TTC17: variants seen among roughly 807,000 people sequenced by gnomAD.
TTC17 encodes tetratricopeptide repeat protein 17.
TTC17 carries 58 observed loss-of-function variants against 143.8 expected under a neutral mutation model. That is an observed-to-expected ratio of 0.40 (90% CI 0.33 to 0.50). The LOEUF (loss-of-function observed/expected upper bound fraction) is 0.50. Among genes scored for constraint, TTC17 ranks in the 20% least tolerant of loss-of-function variants. The pLI, the probability that TTC17 is intolerant of heterozygous loss-of-function variation, is 0.49. For missense variants in TTC17, 1,273 were observed against 1,392.5 expected, an observed-to-expected ratio of 0.91 and a Z score of 1.37; for synonymous variants, 501 against 497.8, an observed-to-expected ratio of 1.01 and a Z score of -0.09.
chr11:43,473,998 TAAC>T (rs1948139588), intron 21 of TTC17, among the ~76,000 whole-genome samples: 1 of 152,224 alleles, frequency 6.6e-6, no homozygotes, highest in South Asian at 2.1e-4. Flanking sequence ...CTACTTTTAG[TAAC>T]TATTCCCAAA....
intron 9 of TTC17, 140 bp from the exon 10 acceptor site, chr11:43,401,306 T>C: frequency 1.9e-6 from 1 of 534,576 alleles, no homozygotes; most frequent in Non-Finnish European, 3.3e-6. Flanking sequence ...TGAATATTTC[T>C]CTATATAAGT....
intron 16 of TTC17, chr11:43,436,207 GA>G (rs1375676664): frequency 6.8e-7 from 1 of 1,469,766 alleles, no homozygotes; most frequent in Non-Finnish European, 9.0e-7. Context: ...ATGACAAACA[GA>G]AATATTTTGA....
chr11:43,386,813 G>A (rs372938844), intron 2 of TTC17, among the ~76,000 whole-genome samples: 61 of 152,118 alleles, frequency 4.0e-4, no homozygotes, highest in African/African-American at 1.4e-3. Flanking sequence ...TTGTGAGACA[G>A]GGTCTCACTC....
At chr11:43,442,269 G>C (rs1947440612) in intron 16 of TTC17, among the ~76,000 whole-genome samples, 1 of 152,196 alleles carries the variant, frequency 6.6e-6, no homozygotes, top group African/African-American at 2.4e-5. Context: ...ATTATGTGGT[G>C]CATGGCTATA....
At chr11:43,388,729 T>A (rs1432130813) in intron 2 of TTC17, among the ~76,000 whole-genome samples, 1 of 151,496 alleles carries the variant, frequency 6.6e-6, no homozygotes, top group African/African-American at 2.4e-5. Flanking sequence ...ATCCCAGTAC[T>A]CTGTGAGGCC....
chr11:43,382,036 T>TTA, intron 2 of TTC17, among the ~76,000 whole-genome samples: 2 of 152,340 alleles, frequency 1.3e-5, no homozygotes, highest in Middle Eastern at 6.8e-3. Context: ...TAGAAATTTG[T>TTA]TAGTCATTGA....
At chr11:43,485,343 A>G (rs956800318) in intron 21 of TTC17, among the ~76,000 whole-genome samples, 15 of 152,228 alleles carry the variant, frequency 9.9e-5, no homozygotes, top group Non-Finnish European at 1.5e-5. Flanking sequence ...ATCTTACACA[A>G]AAATTCAATT....
Position 43,488,726 on chromosome 11 carries a change from ACT to A in TTC17, c.3031-1510_3031-1509del, listed in dbSNP as rs371844930. On this transcript the variant is annotated intron_variant, in intron 21 of 23. Coordinates refer to ENST00000039989, the MANE Select transcript of TTC17 (RefSeq NM_018259.6). Reference sequence around the variant, plus strand: ...TTTGCTTTTTAAGAGACAGGGTCTCACTCTGTCTCCTGCAGGCTGAAGTGCAC... The same window carrying A: ...TTTGCTTTTTAAGAGACAGGGTCTCACTGTCTCCTGCAGGCTGAAGTGCAC... 5.6e-4 allele frequency among the ~76,000 whole-genome samples: 86 copies of A among 152,272 alleles called. No homozygotes were observed. In the East Asian group the frequency reaches 0.016, roughly 28 times the overall value.
At chr11:43,464,928 A>T (rs1328016273) in intron 21 of TTC17, among the ~76,000 whole-genome samples, 1 of 152,244 alleles carries the variant, frequency 6.6e-6, no homozygotes, top group African/African-American at 2.4e-5. Context: ...TTCTGAAGCT[A>T]CAAAGCACAA....
intron 16 of TTC17, among the ~76,000 whole-genome samples, chr11:43,424,668 G>A (rs1284089254): frequency 6.6e-6 from 1 of 152,096 alleles, no homozygotes; most frequent in Non-Finnish European, 1.5e-5. Context: ...TACTGGGAAG[G>A]CTGAGGCAGG....
intron 16 of TTC17, among the ~76,000 whole-genome samples, chr11:43,433,875 C>T (rs1947217357): frequency 6.6e-6 from 1 of 152,154 alleles, no homozygotes; most frequent in South Asian, 2.1e-4. Flanking sequence ...TATTTCCTCT[C>T]TGCTTTTAAT....
In TTC17 at chr11:43,391,645, T is replaced by A. The variant is rs577291089; in HGVS notation, c.531+69T>A. On this transcript the variant is annotated intron_variant, in intron 4 of 23. Transcript: ENST00000039989. ...CTTCTTTCAGTTGGTCTCTCACTTA[T>A]AAAGACCATTTCTCTTTCTTCTCTC... 3.9e-5 allele frequency: 49 copies of A among 1,260,200 alleles called. No individual in the cohort carries two copies. The African/African-American group carries it at 6.6e-4, about 17-fold the overall frequency. The allele number at this position is 1,260,200 out of a possible 1,614,324, so 78.1% of individuals were successfully genotyped here.
intron 1 of TTC17, among the ~76,000 whole-genome samples, chr11:43,363,394 G>A (rs1465326216): frequency 1.3e-5 from 2 of 152,136 alleles, no homozygotes; most frequent in African/African-American, 4.8e-5. Flanking sequence ...TATGTTCCAT[G>A]CTCTAGGTAG....
At chr11:43,383,072 T>A (rs1857033965) in intron 2 of TTC17, among the ~76,000 whole-genome samples, 1 of 151,980 alleles carries the variant, frequency 6.6e-6, no homozygotes, top group Non-Finnish European at 1.5e-5. Flanking sequence ...ATTTTTTTTA[T>A]TTTTTGTAGA....
In TTC17 at chr11:43,391,784, C is replaced by T. The variant is rs778309004; in HGVS notation, c.532-37C>T. ...TGAATTATTTGTCATCTTTTATATCCTTTGATATGTCTTTTGAATCTTTTT... is the reference window on the plus strand; with the variant it reads ...TGAATTATTTGTCATCTTTTATATCTTTTGATATGTCTTTTGAATCTTTTT... On this transcript the variant is annotated intron_variant, in intron 4 of 23. Transcript: ENST00000039989. 1.9e-6 allele frequency: 3 copies of T among 1,602,346 alleles called. No homozygotes were observed. The Admixed American group carries it at 5.3e-5, about 28-fold the overall frequency.
intron 1 of TTC17, among the ~76,000 whole-genome samples, chr11:43,360,372 T>C (rs1324798259): frequency 2.6e-5 from 4 of 152,214 alleles, no homozygotes; most frequent in Non-Finnish European, 5.9e-5. Flanking sequence ...TTTAAATATA[T>C]GTGTATGTGT....
chr11:43,395,757 A>G (rs1468489514), intron 5 of TTC17, among the ~76,000 whole-genome samples: 1 of 152,240 alleles, frequency 6.6e-6, no homozygotes, highest in Non-Finnish European at 1.5e-5. Context: ...TTTTAACTAC[A>G]TTAAAATAAC....
At chr11:43,468,832 G>A (rs1403209991) in intron 21 of TTC17, among the ~76,000 whole-genome samples, 2 of 152,112 alleles carry the variant, frequency 1.3e-5, no homozygotes, top group Non-Finnish European at 2.9e-5. Context: ...GGCTGAGTTG[G>A]GAGGATTGCT....
intron 1 of TTC17, among the ~76,000 whole-genome samples, chr11:43,365,055 C>G (rs910536704): frequency 6.6e-6 from 1 of 151,946 alleles, no homozygotes; most frequent in Non-Finnish European, 1.5e-5. Context: ...CCTGCCTCGG[C>G]CTCCCAAAGT....
Sources: allele counts gnomAD v4.1 joint callset (sites outside exome capture counted in the v4.1 genomes callset), GRCh38; gene constraint gnomAD v4.1.1; transcripts MANE v1.5; gene names NCBI Gene and HGNC (gene_info 2026-07-23, HGNC 2026-07-21).